Variants in CDH12 observed in about 807,000 individuals in gnomAD.
CDH12 encodes the protein cadherin 12, also known as cadherin-12.
CDH12 carries 41 observed loss-of-function variants against 74.1 expected under a neutral mutation model. The ratio of observed to expected loss-of-function variants is 0.55; its 90% CI spans 0.43 to 0.72. CDH12 has a LOEUF of 0.72. Among genes scored for constraint, CDH12 ranks in the 30% least tolerant of loss-of-function variants. The probability of loss-of-function intolerance (pLI) is 0.00; values close to 1 mark genes in which losing one functional copy is unlikely to be tolerated. For missense variants in CDH12, 945 were observed against 977.2 expected, an observed-to-expected ratio of 0.97 and a Z score of 0.44; for synonymous variants, 399 against 355.0, an observed-to-expected ratio of 1.12 and a Z score of -1.39.
At chr5:22,124,289 A>G (rs1329467581) in intron 4 of CDH12, among the ~76,000 whole-genome samples, 3 of 152,028 alleles carry the variant, frequency 2.0e-5, no homozygotes, top group East Asian at 1.9e-4. Flanking sequence ...ACGCCCAGCC[A>G]ATTTTTTGTA....
intron 7 of CDH12, among the ~76,000 whole-genome samples, chr5:21,846,927 A>G (rs1385801440): frequency 2.0e-5 from 3 of 152,126 alleles, no homozygotes; most frequent in African/African-American, 7.2e-5. Flanking sequence ...GACCAGCACT[A>G]TATGAACTCA....
At chr5:22,681,265 A>G (rs1487424) in intron 1 of CDH12, among the ~76,000 whole-genome samples, 79,239 of 142,388 alleles carry the variant, frequency 0.56, 21,127 homozygotes, top group Non-Finnish European at 0.57. Flanking sequence ...GTGTGTGTGT[A>G]TTAGATAAGT....
chr5:22,220,060 G>A (rs367988773), intron 3 of CDH12, among the ~76,000 whole-genome samples: 4 of 151,832 alleles, frequency 2.6e-5, no homozygotes, highest in South Asian at 4.1e-4. Flanking sequence ...TCATGAATCC[G>A]TAAGGATGTT....
At chr5:22,235,621 T>C (rs769843519) in intron 3 of CDH12, among the ~76,000 whole-genome samples, 12 of 151,988 alleles carry the variant, frequency 7.9e-5, no homozygotes, top group Non-Finnish European at 7.4e-5. Flanking sequence ...CAAATTATCT[T>C]ATATAATATT....
At chr5:21,857,552 C>T (rs1750818069) in intron 6 of CDH12, among the ~76,000 whole-genome samples, 2 of 151,756 alleles carry the variant, frequency 1.3e-5, no homozygotes, top group African/African-American at 4.8e-5. Flanking sequence ...TAACTATATT[C>T]TATATCTTAT....
intron 1 of CDH12, among the ~76,000 whole-genome samples, chr5:22,652,149 A>AT (rs570060019): frequency 6.6e-6 from 1 of 152,132 alleles, no homozygotes; most frequent in Non-Finnish European, 1.5e-5. Context: ...TATAACAGAC[A>AT]TTTTGGGTCA....
intron 4 of CDH12, among the ~76,000 whole-genome samples, chr5:22,179,498 G>C (rs539340400): frequency 1.3e-5 from 2 of 152,134 alleles, no homozygotes; most frequent in African/African-American, 4.8e-5. Flanking sequence ...AAAAGTTTCA[G>C]AAGTTAATTA....
chr5:21,963,829 G>A (rs1048796413), intron 6 of CDH12, among the ~76,000 whole-genome samples: 3 of 152,072 alleles, frequency 2.0e-5, no homozygotes, highest in Non-Finnish European at 4.4e-5. Context: ...AATTCAAACT[G>A]TTAAGTCATT....
At chr5:22,737,058 C>T (rs572248563) in intron 1 of CDH12, among the ~76,000 whole-genome samples, 1 of 151,984 alleles carries the variant, frequency 6.6e-6, no homozygotes, top group South Asian at 2.1e-4. Flanking sequence ...GAGAAAGCAT[C>T]CCATAGTAAT....
chr5:21,788,782 C>T (rs1162162041), intron 10 of CDH12, among the ~76,000 whole-genome samples: 1 of 152,002 alleles, frequency 6.6e-6, no homozygotes, highest in Non-Finnish European at 1.5e-5. Flanking sequence ...ACTTTGGTAC[C>T]ATTAAGCCAC....
intron 4 of CDH12, among the ~76,000 whole-genome samples, chr5:22,203,070 T>G (rs1455092059): frequency 6.6e-6 from 1 of 152,172 alleles, no homozygotes; most frequent in Non-Finnish European, 1.5e-5. Context: ...AATTAGCATA[T>G]CCATCATTTC....
At chr5:21,815,227 GTATT>G (rs1308413490) in intron 9 of CDH12, among the ~76,000 whole-genome samples, 1 of 152,090 alleles carries the variant, frequency 6.6e-6, no homozygotes, top group Non-Finnish European at 1.5e-5. Context: ...TAAATGCAAA[GTATT>G]TATTCTGGTT....
chr5:21,824,335 G>A (rs1188676527), intron 8 of CDH12, among the ~76,000 whole-genome samples: 1 of 152,066 alleles, frequency 6.6e-6, no homozygotes, highest in Non-Finnish European at 1.5e-5. Flanking sequence ...CAGTGCACTT[G>A]GGGGCAGCTC....
At position 22,057,059 on chromosome 5, in the gene CDH12, T is replaced by C. The variant is rs76928782; in HGVS notation, c.231+21387A>G. Reference sequence around the variant, plus strand: ...GTTGTGTCACTTGTAATTGTCTTAATAAGGCTCAGCATTTTCTTTTTCTGA... The same window carrying C: ...GTTGTGTCACTTGTAATTGTCTTAACAAGGCTCAGCATTTTCTTTTTCTGA... On this transcript the variant is annotated intron_variant, in intron 5 of 14. Coordinates refer to ENST00000382254, the MANE Select transcript of CDH12 (RefSeq NM_004061.5). Among the ~76,000 whole-genome samples the C allele has an allele frequency of 8.4e-3, 1,277 of 152,314 alleles. 18 individuals carry two copies. Among genetic ancestry groups the C allele is most frequent in the African/African-American group, 0.029 (1,226 of 41,580 alleles).
At chr5:22,558,649 G>A (rs987341632) in intron 1 of CDH12, among the ~76,000 whole-genome samples, 1 of 151,254 alleles carries the variant, frequency 6.6e-6, no homozygotes, top group African/African-American at 2.4e-5. Flanking sequence ...ACAAAGAGAG[G>A]GGGAAAAAAC....
chr5:22,674,545 G>A (rs1741068125), intron 1 of CDH12, among the ~76,000 whole-genome samples: 1 of 152,150 alleles, frequency 6.6e-6, no homozygotes, highest in Admixed American at 6.5e-5. Context: ...CTGCTGAAAA[G>A]ATACCTGAAA....
At chr5:22,674,488 A>G (rs912639297) in intron 1 of CDH12, among the ~76,000 whole-genome samples, 2 of 152,192 alleles carry the variant, frequency 1.3e-5, no homozygotes, top group Non-Finnish European at 2.9e-5. Context: ...CTTTATCAGC[A>G]GCATGAAAAT....
At chr5:22,371,073 T>C (rs1741268216) in intron 3 of CDH12, among the ~76,000 whole-genome samples, 1 of 152,116 alleles carries the variant, frequency 6.6e-6, no homozygotes, top group Admixed American at 6.6e-5. Context: ...GAGGTCAAAC[T>C]TGGGGATATA....
rs183178061 is a variant in CDH12 at position 22,102,774 on chromosome 5, T to C, written c.-186-23912A>G. Among the ~76,000 whole-genome samples the C allele has an allele frequency of 9.1e-4, 139 of 152,222 alleles. 1 individual carries two copies. Among genetic ancestry groups the C allele is most frequent in the South Asian group, 8.5e-3 (41 of 4,822 alleles). On this transcript the variant is annotated intron_variant, in intron 4 of 14. Transcript: ENST00000382254. Reference sequence around the variant, plus strand: ...GGCCTAACAAAAAATGATTAGGCCATGAGAACTCCGTGGATTAATGCAGCT... The same window carrying C: ...GGCCTAACAAAAAATGATTAGGCCACGAGAACTCCGTGGATTAATGCAGCT...
Sources: allele counts gnomAD v4.1 joint callset (sites outside exome capture counted in the v4.1 genomes callset), GRCh38; gene constraint gnomAD v4.1.1; transcripts MANE v1.5; gene names NCBI Gene and HGNC (gene_info 2026-07-23, HGNC 2026-07-21).